FHIT: variants seen among roughly 807,000 people sequenced by gnomAD.
The protein encoded by FHIT is bis(5'-adenosyl)-triphosphatase.
Under a neutral mutation model 17.9 loss-of-function variants are expected in FHIT, and 19 were observed. The ratio of observed to expected loss-of-function variants is 1.06; its 90% CI spans 0.74 to 1.56. FHIT has a LOEUF of 1.56. Ranked by LOEUF, FHIT falls within the 40% of genes most tolerant of loss-of-function variation. FHIT has a pLI of 0.00. For missense variants in FHIT, 248 were observed against 189.2 expected (o/e 1.31, Z -1.82); for synonymous variants, 81 against 69.7 (o/e 1.16, Z -0.81).
intron 4 of FHIT, among the ~76,000 whole-genome samples, chr3:60,612,422 T>C (rs1269212217): frequency 1.3e-5 from 2 of 152,190 alleles, no homozygotes; most frequent in Non-Finnish European, 2.9e-5. Context: ...CCACAAAAGA[T>C]ACTTGACCTT....
intron 3 of FHIT, among the ~76,000 whole-genome samples, chr3:60,884,965 C>A (rs1219843281): frequency 2.0e-5 from 3 of 147,886 alleles, no homozygotes; most frequent in Non-Finnish European, 4.5e-5. Flanking sequence ...ACAAATATTA[C>A]ATTCTCTCAC....
intron 5 of FHIT, among the ~76,000 whole-genome samples, chr3:60,412,145 C>T (rs1702084438): frequency 6.6e-6 from 1 of 152,016 alleles, no homozygotes; most frequent in African/African-American, 2.4e-5. Context: ...GAAGCTGAAG[C>T]ATGAGGATGG....
rs56094072 is a variant in FHIT at position 60,571,335 on chromosome 3, C to CA, written c.-17-34357dup. ...TGGGCAACAGGGCAAGACTCCATCG[C>CA]AAAAAAAAAAAAAAAAAAAAAAAAA... On this transcript the variant is annotated intron_variant, in intron 4 of 9. Coordinates refer to ENST00000492590, the MANE Select transcript of FHIT (RefSeq NM_002012.4). 5.1e-4 allele frequency among the ~76,000 whole-genome samples: 28 copies of CA among 54,670 alleles called. 3 individuals carry two copies. The highest frequency in any genetic ancestry group is 1.8e-3 in the African/African-American group (23 of 12,936). 35.9% of individuals were successfully genotyped at this position (54,670 alleles called of 152,430 possible).
intron 5 of FHIT, among the ~76,000 whole-genome samples, chr3:60,198,849 T>C: frequency 6.6e-6 from 1 of 152,130 alleles, no homozygotes; most frequent in East Asian, 1.9e-4. Flanking sequence ...AGGTAACGAA[T>C]TGTCTCACAA....
intron 2 of FHIT, among the ~76,000 whole-genome samples, chr3:61,059,482 T>C (rs1479955053): frequency 6.6e-6 from 1 of 151,894 alleles, no homozygotes; most frequent in African/African-American, 2.4e-5. Context: ...ATTCTTGTGC[T>C]TTTTTAAAAG....
At chr3:59,947,791 G>C (rs181467075) in intron 7 of FHIT, among the ~76,000 whole-genome samples, 1 of 152,338 alleles carries the variant, frequency 6.6e-6, no homozygotes, top group East Asian at 1.9e-4. Flanking sequence ...CACTGGGGCA[G>C]TGGCAGCAGG....
At chr3:60,252,739 C>T (rs1705780962) in intron 5 of FHIT, among the ~76,000 whole-genome samples, 1 of 151,902 alleles carries the variant, frequency 6.6e-6, no homozygotes, top group Admixed American at 6.5e-5. Context: ...GCCTGTAATC[C>T]CAGCACTTTG....
At chr3:60,127,083 T>C (rs1470229613) in intron 5 of FHIT, among the ~76,000 whole-genome samples, 3 of 152,164 alleles carry the variant, frequency 2.0e-5, no homozygotes, top group African/African-American at 7.2e-5. Context: ...AGGTACCTTA[T>C]CACTAGCTTC....
intron 5 of FHIT, among the ~76,000 whole-genome samples, chr3:60,443,908 C>G (rs1414308864): frequency 6.6e-6 from 1 of 152,158 alleles, no homozygotes; most frequent in East Asian, 1.9e-4. Flanking sequence ...AACAGGCAAC[C>G]TACAGAATGG....
intron 5 of FHIT, among the ~76,000 whole-genome samples, chr3:60,093,334 A>C (rs146307624): frequency 1.6e-3 from 242 of 152,224 alleles, no homozygotes; most frequent in African/African-American, 5.6e-3. Context: ...AATGGGACGA[A>C]ACCATCTCAC....
chr3:59,809,376 C>T (rs1055052883), intron 8 of FHIT, among the ~76,000 whole-genome samples: 1 of 152,148 alleles, frequency 6.6e-6, no homozygotes, highest in African/African-American at 2.4e-5. Flanking sequence ...AGGATTCTTC[C>T]CCAGAACTTT....
intron 5 of FHIT, among the ~76,000 whole-genome samples, chr3:60,407,306 A>G (rs1220898194): frequency 6.6e-6 from 1 of 151,944 alleles, no homozygotes; most frequent in Non-Finnish European, 1.5e-5. Context: ...AAGCCTACCA[A>G]TTACAGATGC....
intron 5 of FHIT, among the ~76,000 whole-genome samples, chr3:60,475,238 C>T (rs2033286086): frequency 6.6e-6 from 1 of 152,044 alleles, no homozygotes; most frequent in Admixed American, 6.5e-5. Context: ...CTTGAGATGT[C>T]CATTGTACTG....
chr3:61,244,671 C>T (rs1025012504), intron 1 of FHIT, among the ~76,000 whole-genome samples: 1 of 152,092 alleles, frequency 6.6e-6, no homozygotes, highest in Non-Finnish European at 1.5e-5. Context: ...TTCTCACTTC[C>T]CATACCTGGA....
chr3:61,156,857 A>T (rs921009528), intron 2 of FHIT, among the ~76,000 whole-genome samples: 1 of 152,196 alleles, frequency 6.6e-6, no homozygotes, highest in Non-Finnish European at 1.5e-5. Flanking sequence ...ATCTATTTGC[A>T]TCACATTATA....
intron 7 of FHIT, among the ~76,000 whole-genome samples, chr3:59,939,519 G>C (rs539366486): frequency 6.6e-6 from 1 of 152,158 alleles, no homozygotes; most frequent in Non-Finnish European, 1.5e-5. Flanking sequence ...GTGAGGTGAG[G>C]TGAATAGTTT....
chr3:60,460,114 A>G (rs1576692949), intron 5 of FHIT, among the ~76,000 whole-genome samples: 1 of 151,858 alleles, frequency 6.6e-6, no homozygotes, highest in South Asian at 2.1e-4. Flanking sequence ...TCACATATCA[A>G]AAAATCTGAA....
At chr3:60,004,958 T>C (rs1699866167) in intron 7 of FHIT, among the ~76,000 whole-genome samples, 1 of 152,172 alleles carries the variant, frequency 6.6e-6, no homozygotes, top group Non-Finnish European at 1.5e-5. Flanking sequence ...AGGATACTCT[T>C]AAGACCTCCA....
intron 1 of FHIT, among the ~76,000 whole-genome samples, chr3:61,203,252 G>C (rs181840691): frequency 6.0e-5 from 9 of 150,990 alleles, no homozygotes; most frequent in African/African-American, 2.2e-4. Context: ...AGGAGGCTGA[G>C]GCAGGAGAAT....
Sources: gnomAD v4.1 joint callset for allele counts (sites outside exome capture counted in the v4.1 genomes callset) on GRCh38, gnomAD v4.1.1 for gene constraint, MANE v1.5 for transcripts, NCBI Gene and HGNC (gene_info 2026-07-23, HGNC 2026-07-21) for gene names.